The following USP50 variants were observed in gnomAD, a reference collection of about 807,000 sequenced individuals.
The protein encoded by USP50 is ubiquitin specific peptidase 50, also known as ubiquitin carboxyl-terminal hydrolase 50.
A neutral mutation model predicts 39.2 loss-of-function variants in USP50; 37 were observed. The ratio of observed to expected loss-of-function variants is 0.94; its 90% confidence interval spans 0.73 to 1.24. The LOEUF (loss-of-function observed/expected upper bound fraction) is 1.24, where lower values mean the gene tolerates loss of function less well. Among genes scored for constraint, USP50 ranks in the 50% most tolerant of loss-of-function variants. USP50 has a pLI of 0.00. For missense variants in USP50, 374 were observed against 398.2 expected, an observed-to-expected ratio of 0.94 and a Z score of 0.52; for synonymous variants, 139 against 144.5, an observed-to-expected ratio of 0.96 and a Z score of 0.27.
Position 50,529,736 on chromosome 15 carries a change from G to A in USP50, c.936+61C>T, listed in dbSNP as rs998787534. On this transcript the variant is annotated intron_variant, in intron 6 of 6. Coordinates refer to ENST00000532404, the MANE Select transcript of USP50 (RefSeq NM_203494.5). ...AGAGACAGGAGAAATAGGGATTCAA[G>A]CAGATAATTCTGGAGTTTTCTTTAA... 5 of 1,557,648 alleles carry A rather than the reference G, an allele frequency of 3.2e-6. No homozygotes were observed. In the Admixed American group the frequency reaches 5.8e-5, roughly 18 times the overall value.
At chr15:50,526,870 A>G (rs1416693826) in intron 6 of USP50, among the ~76,000 whole-genome samples, 2 of 152,250 alleles carry the variant, frequency 1.3e-5, no homozygotes, top group East Asian at 3.8e-4. Context: ...AATAATACAG[A>G]GTGCCTACCT....
chr15:50,528,277 T>C (rs1485019919), intron 6 of USP50, among the ~76,000 whole-genome samples: 1 of 106,834 alleles, frequency 9.4e-6, no homozygotes, highest in Non-Finnish European at 2.0e-5. Flanking sequence ...CTGCACATAA[T>C]TACTTTTTTT....
At chr15:50,507,806 C>T (rs779604460) in intron 6 of USP50, 7 of 152,178 alleles carry the variant, frequency 4.6e-5, no homozygotes, top group Non-Finnish European at 8.8e-5. Context: ...CACGGTGGCT[C>T]ATGCCTGTAA....
At position 50,534,789 on chromosome 15, in the gene USP50, C is replaced by T. The variant is rs557361167; in HGVS notation, c.803+3920G>A. Reference sequence around the variant, plus strand: ...CATAATGATAAAGGGATCACTTTTTCAAGAAGACATAGAAATTATTAACAT... The same window carrying T: ...CATAATGATAAAGGGATCACTTTTTTAAGAAGACATAGAAATTATTAACAT... On this transcript the variant is annotated intron_variant, in intron 5 of 6. Coordinates refer to ENST00000532404, the MANE Select transcript of USP50 (RefSeq NM_203494.5). Among the ~76,000 whole-genome samples, 4 of 152,192 alleles carry T rather than the reference C, an allele frequency of 2.6e-5. No individual in the cohort carries two copies. The East Asian group carries it at 7.7e-4, about 29-fold the overall frequency.
chr15:50,509,822 T>A (rs2052715035), intron 6 of USP50: 2 of 152,068 alleles, frequency 1.3e-5, no homozygotes, highest in Admixed American at 6.6e-5. Context: ...GGAGAATAAG[T>A]TACCAAAATG....
At chr15:50,530,726 A>T (rs1395804824) in intron 5 of USP50, among the ~76,000 whole-genome samples, 1 of 152,356 alleles carries the variant, frequency 6.6e-6, no homozygotes, top group East Asian at 1.9e-4. Flanking sequence ...AAGGAGTGAG[A>T]TAGCAAAGAT....
chr15:50,544,450 C>G (rs780948299), intron 2 of USP50, 137 bp downstream of exon 2: 78 of 684,304 alleles, frequency 1.1e-4, no homozygotes, highest in Non-Finnish European at 1.7e-4. Context: ...CTTACTCTAG[C>G]GTGTTATCTG....
chr15:50,525,684 T>A (rs1253040635), intron 6 of USP50, among the ~76,000 whole-genome samples: 7 of 122,014 alleles, frequency 5.7e-5, no homozygotes, highest in Admixed American at 1.9e-4. Flanking sequence ...ATATGTATAT[T>A]ATATATGTAT....
At chr15:50,531,477 G>A (rs79394645) in intron 5 of USP50, among the ~76,000 whole-genome samples, 3,244 of 152,232 alleles carry the variant, frequency 0.021, 105 homozygotes, top group African/African-American at 0.073. Flanking sequence ...GACATAGCAC[G>A]TTCTGGAAAA....
chr15:50,509,209 T>A (rs1425247680), intron 6 of USP50: 2 of 149,630 alleles, frequency 1.3e-5, no homozygotes, highest in Non-Finnish European at 1.5e-5. Context: ...TCCATCTACT[T>A]GGGAGGCTGA....
intron 4 of USP50, among the ~76,000 whole-genome samples, chr15:50,539,624 C>T (rs184383813): frequency 2.1e-4 from 32 of 151,578 alleles, no homozygotes; most frequent in African/African-American, 7.0e-4. Context: ...CCATGTTGGC[C>T]GGGATAGTCT....
At chr15:50,517,309 A>G (rs2141359567) in intron 6 of USP50, among the ~76,000 whole-genome samples, 1 of 151,966 alleles carries the variant, frequency 6.6e-6, no homozygotes, top group East Asian at 1.9e-4. Context: ...CATCTTTACT[A>G]AAAATACAAA....
chr15:50,545,709 A>G (rs543440540), intron 1 of USP50, among the ~76,000 whole-genome samples: 4 of 152,168 alleles, frequency 2.6e-5, no homozygotes, highest in South Asian at 2.1e-4. Context: ...ACACACACAC[A>G]TATACACGGA....
chr15:50,529,522 T>G (rs540773338), intron 6 of USP50, among the ~76,000 whole-genome samples: 61 of 152,248 alleles, frequency 4.0e-4, no homozygotes, highest in Admixed American at 9.2e-4. Flanking sequence ...GGAACCAACT[T>G]CTGCTGCTGC....
chr15:50,496,475 C>T (rs189166325), downstream of USP50, among the ~76,000 whole-genome samples: 900 of 109,814 alleles, frequency 8.2e-3, 12 homozygotes, highest in African/African-American at 0.035. Flanking sequence ...AACAAGACTC[C>T]GTCTTAAAAA....
At chr15:50,493,878 AGAAG>A (rs1278951026), downstream of USP50, 7 of 761,642 alleles carry the variant, frequency 9.2e-6, no homozygotes, top group Non-Finnish European at 1.6e-5. Flanking sequence ...TGCAGCCAAA[AGAAG>A]GAAGCTGAAG....
At chr15:50,523,227 G>A (rs984200343) in intron 6 of USP50, among the ~76,000 whole-genome samples, 4 of 136,666 alleles carry the variant, frequency 2.9e-5, no homozygotes, top group African/African-American at 8.4e-5. Context: ...CACCCAGGCT[G>A]GAGTGCAGTG....
intron 6 of USP50, among the ~76,000 whole-genome samples, chr15:50,519,750 C>T (rs1445689937): frequency 6.6e-6 from 1 of 151,692 alleles, no homozygotes; most frequent in East Asian, 1.9e-4. Flanking sequence ...TATCATCTCA[C>T]CTCAGTTAGA....
intron 6 of USP50, among the ~76,000 whole-genome samples, chr15:50,522,946 C>A (rs1224774115): frequency 6.6e-6 from 1 of 152,070 alleles, no homozygotes; most frequent in Non-Finnish European, 1.5e-5. Context: ...CCACATCCAG[C>A]CACTCACCAC....
Sources: gnomAD v4.1 joint callset for allele counts (sites outside exome capture counted in the v4.1 genomes callset) on GRCh38, gnomAD v4.1.1 for gene constraint, MANE v1.5 for transcripts, NCBI Gene and HGNC (gene_info 2026-07-23, HGNC 2026-07-21) for gene names.